AGBL4: variants seen among roughly 807,000 people sequenced by gnomAD.
The protein encoded by AGBL4 is cytosolic carboxypeptidase 6.
In AGBL4, 58 loss-of-function variants were observed where a neutral mutation model predicts 66.4. The ratio of observed to expected loss-of-function variants is 0.87; its 90% CI spans 0.71 to 1.09. The LOEUF (loss-of-function observed/expected upper bound fraction) is 1.09. Ranked by LOEUF, AGBL4 falls within the 50% of genes least tolerant of loss-of-function variation. AGBL4 has a pLI of 0.00. For missense variants in AGBL4, 579 were observed against 631.0 expected (o/e 0.92, Z 0.88); for synonymous variants, 234 against 222.9 (o/e 1.05, Z -0.44).
chr1:48,772,457 C>T (rs967007134), intron 6 of AGBL4, among the ~76,000 whole-genome samples: 2 of 152,204 alleles, frequency 1.3e-5, no homozygotes, highest in Middle Eastern at 3.4e-3. Flanking sequence ...ATGATTAATC[C>T]ACCTTGGCTG....
chr1:49,657,800 G>T (rs1262990504), intron 3 of AGBL4, among the ~76,000 whole-genome samples: 1 of 152,128 alleles, frequency 6.6e-6, no homozygotes, highest in Non-Finnish European at 1.5e-5. Flanking sequence ...AAACTGGCTA[G>T]CCATATGTAG....
At chr1:49,239,650 G>C (rs1479654475) in intron 4 of AGBL4, among the ~76,000 whole-genome samples, 1 of 151,882 alleles carries the variant, frequency 6.6e-6, no homozygotes, top group Non-Finnish European at 1.5e-5. Flanking sequence ...AAACTAAAAA[G>C]GAAAATGTAA....
intron 6 of AGBL4, among the ~76,000 whole-genome samples, chr1:48,673,046 C>T (rs1646302963): frequency 6.6e-6 from 1 of 152,148 alleles, no homozygotes; most frequent in African/African-American, 2.4e-5. Context: ...GGAATTTGAA[C>T]CTTCTCTATC....
intron 3 of AGBL4, among the ~76,000 whole-genome samples, chr1:49,525,134 T>C (rs902848879): frequency 1.3e-5 from 2 of 152,008 alleles, no homozygotes; most frequent in Non-Finnish European, 2.9e-5. Flanking sequence ...GTGCCAGGGA[T>C]AATTCTGGGT....
intron 2 of AGBL4, among the ~76,000 whole-genome samples, chr1:49,704,811 A>G (rs1647173983): frequency 6.6e-6 from 1 of 152,190 alleles, no homozygotes; most frequent in Admixed American, 6.5e-5. Context: ...TACCAGTACC[A>G]TGCTGTTGGG....
At chr1:48,990,384 A>G (rs1043852386) in intron 5 of AGBL4, among the ~76,000 whole-genome samples, 2 of 152,014 alleles carry the variant, frequency 1.3e-5, no homozygotes, top group Non-Finnish European at 1.5e-5. Context: ...GAAGGTTTTT[A>G]ACTTAATGTG....
At chr1:49,982,964 C>A (rs534732766) in intron 1 of AGBL4, among the ~76,000 whole-genome samples, 5 of 152,208 alleles carry the variant, frequency 3.3e-5, no homozygotes, top group Non-Finnish European at 5.9e-5. Context: ...CTCAGCAGAA[C>A]AGCCTGGCTA....
chr1:48,723,356 T>C (rs542833485), intron 6 of AGBL4, among the ~76,000 whole-genome samples: 2 of 152,272 alleles, frequency 1.3e-5, no homozygotes, highest in South Asian at 2.1e-4. Flanking sequence ...TGCTTGGAGG[T>C]ATTCAAGCAT....
intron 3 of AGBL4, among the ~76,000 whole-genome samples, chr1:49,358,141 A>C (rs1007922270): frequency 3.3e-5 from 5 of 152,188 alleles, no homozygotes; most frequent in Admixed American, 2.0e-4. Flanking sequence ...CTGGTGCCTG[A>C]GTATGAGGGC....
At chr1:49,395,760 T>C (rs76145035) in intron 3 of AGBL4, among the ~76,000 whole-genome samples, 61,102 of 139,292 alleles carry the variant, frequency 0.44, 15,895 homozygotes, top group Non-Finnish European at 0.58. Flanking sequence ...TATATATATA[T>C]ATACACATAT....
rs558630983 is a variant in AGBL4, at chr1:48,858,703, C to T, written c.634+8488G>A. Among the ~76,000 whole-genome samples, 23 of 152,106 alleles carry T rather than the reference C, an allele frequency of 1.5e-4. No homozygotes were observed. In the South Asian group the frequency reaches 4.4e-3, roughly 29 times the overall value. On this transcript the variant is annotated intron_variant, in intron 6 of 13. Coordinates refer to ENST00000371839, the MANE Select transcript of AGBL4 (RefSeq NM_032785.4). ...GGAGAAATTGAGAATGACTGCCAGT[C>T]GGTATGGAGTTTATGTTTGGGGTGA...
intron 9 of AGBL4, among the ~76,000 whole-genome samples, chr1:48,625,506 A>G (rs1349865014): frequency 6.6e-6 from 1 of 152,140 alleles, no homozygotes; most frequent in Admixed American, 6.6e-5. Context: ...GGGGACAGTG[A>G]GGTAAGTGCT....
chr1:49,575,195 C>A (rs934175076), intron 3 of AGBL4, among the ~76,000 whole-genome samples: 1 of 152,068 alleles, frequency 6.6e-6, no homozygotes, highest in Admixed American at 6.6e-5. Context: ...CTAGGGGACC[C>A]AAAACATCAT....
At chr1:49,253,369 T>C (rs1260321217) in intron 3 of AGBL4, among the ~76,000 whole-genome samples, 3 of 152,146 alleles carry the variant, frequency 2.0e-5, no homozygotes, top group African/African-American at 7.2e-5. Context: ...CCTAAATATA[T>C]ATGCACCCAA....
At chr1:49,451,672 C>T (rs990820762) in intron 3 of AGBL4, among the ~76,000 whole-genome samples, 1 of 151,950 alleles carries the variant, frequency 6.6e-6, no homozygotes, top group African/African-American at 2.4e-5. Flanking sequence ...ATGTGTAACC[C>T]TTTAGTACAC....
At chr1:48,575,450 C>T (rs1391387591) in intron 11 of AGBL4, among the ~76,000 whole-genome samples, 2 of 152,188 alleles carry the variant, frequency 1.3e-5, no homozygotes, top group Non-Finnish European at 2.9e-5. Flanking sequence ...TGACCCCATT[C>T]AACTCATCCT....
At chr1:48,870,969 A>G (rs1210355917) in intron 5 of AGBL4, among the ~76,000 whole-genome samples, 1 of 152,206 alleles carries the variant, frequency 6.6e-6, no homozygotes, top group Non-Finnish European at 1.5e-5. Context: ...AATTCCCTCA[A>G]AGTCATTCAA....
chr1:49,951,753 T>A lies in AGBL4; in HGVS notation c.34+72010A>T, dbSNP rs190985371. 2.9e-3 allele frequency among the ~76,000 whole-genome samples: 444 copies of A among 152,092 alleles called. 1 individual carries two copies. The highest frequency in any genetic ancestry group is 4.7e-3 in the Non-Finnish European group (321 of 67,942). Reference sequence around the variant, plus strand: ...TTGGCAATGTATCAATTCGTTTTATTTAATCATTTCACAATATATATGTAA... The same window carrying A: ...TTGGCAATGTATCAATTCGTTTTATATAATCATTTCACAATATATATGTAA... On this transcript the variant is annotated intron_variant, in intron 1 of 13. Coordinates refer to ENST00000371839, the MANE Select transcript of AGBL4 (RefSeq NM_032785.4).
At chr1:48,984,143 G>A (rs1323610636) in intron 5 of AGBL4, among the ~76,000 whole-genome samples, 2 of 152,008 alleles carry the variant, frequency 1.3e-5, no homozygotes, top group Non-Finnish European at 2.9e-5. Context: ...ATTCACCAAA[G>A]AAAAAGCTCA....
Sources: allele counts gnomAD v4.1 joint callset (sites outside exome capture counted in the v4.1 genomes callset), GRCh38; gene constraint gnomAD v4.1.1; transcripts MANE v1.5; gene names NCBI Gene and HGNC (gene_info 2026-07-23, HGNC 2026-07-21).